ABTB3: variants seen among roughly 807,000 people sequenced by gnomAD.
ABTB3 encodes the protein ankyrin repeat- and BTB/POZ domain-containing protein 3.
chr12:107,654,609 G>A, the ABTB3 span, among the ~76,000 whole-genome samples: 2 of 152,196 alleles, frequency 1.3e-5, no homozygotes, highest in Middle Eastern at 3.4e-3. Flanking sequence ...TCAAATTCCT[G>A]CTTTCAGTTA....
chr12:107,566,907 G>A, the ABTB3 span, among the ~76,000 whole-genome samples: 3 of 152,180 alleles, frequency 2.0e-5, no homozygotes, highest in African/African-American at 7.2e-5. Context: ...GAGCCCAGGA[G>A]TTCGAGACCA....
At chr12:107,522,571 G>GTC in the ABTB3 span, among the ~76,000 whole-genome samples, 3 of 141,840 alleles carry the variant, frequency 2.1e-5, no homozygotes, top group Non-Finnish European at 4.6e-5. Flanking sequence ...TTTTTTAATT[G>GTC]TCTCTCTCTC....
chr12:107,589,880 A>G, the ABTB3 span, among the ~76,000 whole-genome samples: 9 of 152,330 alleles, frequency 5.9e-5, no homozygotes, highest in Middle Eastern at 3.4e-3. Context: ...TGGTGGTACT[A>G]TAAGTGAACA....
At chr12:107,638,162 A>G in the ABTB3 span, among the ~76,000 whole-genome samples, 3 of 152,140 alleles carry the variant, frequency 2.0e-5, no homozygotes, top group Admixed American at 6.5e-5. Context: ...CTTTTCTAAT[A>G]TTTTTAAAGT....
the ABTB3 span, among the ~76,000 whole-genome samples, chr12:107,642,348 C>A: frequency 6.6e-6 from 1 of 152,162 alleles, no homozygotes; most frequent in South Asian, 2.1e-4. Context: ...TTCATCCCTG[C>A]AGCATTAACT....
At chr12:107,352,566 G>A in the ABTB3 span, among the ~76,000 whole-genome samples, 3 of 152,052 alleles carry the variant, frequency 2.0e-5, no homozygotes, top group African/African-American at 7.2e-5. Context: ...AACTAAGGGG[G>A]CCCTTCCACA....
At chr12:107,515,571 G>A in the ABTB3 span, among the ~76,000 whole-genome samples, 1 of 152,168 alleles carries the variant, frequency 6.6e-6, no homozygotes. Context: ...TGAGGAATTG[G>A]CCCAAGATTC....
chr12:107,362,982 T>G, the ABTB3 span, among the ~76,000 whole-genome samples: 133 of 152,312 alleles, frequency 8.7e-4, no homozygotes, highest in African/African-American at 3.1e-3. Flanking sequence ...GACCTGGGAT[T>G]TGAATCCCGG....
the ABTB3 span, among the ~76,000 whole-genome samples, chr12:107,600,971 TG>T: frequency 3.3e-5 from 5 of 152,022 alleles, no homozygotes; most frequent in Admixed American, 6.6e-5. Context: ...AGGATGGTGG[TG>T]GGGGGGTGTC....
chr12:107,492,414 G>A, the ABTB3 span, among the ~76,000 whole-genome samples: 1 of 152,262 alleles, frequency 6.6e-6, no homozygotes, highest in East Asian at 1.9e-4. Context: ...AGAGACCTGC[G>A]TTCTTGCCCA....
At chr12:107,411,900 G>A in the ABTB3 span, among the ~76,000 whole-genome samples, 14 of 152,286 alleles carry the variant, frequency 9.2e-5, no homozygotes, top group Admixed American at 2.6e-4. Context: ...TACTCAGACC[G>A]GTGGTTCTGG....
At chr12:107,334,326 G>T in the ABTB3 span, among the ~76,000 whole-genome samples, 1 of 152,190 alleles carries the variant, frequency 6.6e-6, no homozygotes, top group Non-Finnish European at 1.5e-5. Flanking sequence ...AGCAGTGGAG[G>T]TGGGCTAGGA....
chr12:107,500,485 C>T, the ABTB3 span, among the ~76,000 whole-genome samples: 9 of 152,184 alleles, frequency 5.9e-5, 1 homozygote, highest in South Asian at 4.1e-4. Context: ...ATTAGTGCAG[C>T]GCCTCACTTG....
chr12:107,431,777 G>C, the ABTB3 span, among the ~76,000 whole-genome samples: 1 of 152,336 alleles, frequency 6.6e-6, no homozygotes, highest in East Asian at 1.9e-4. Flanking sequence ...CATACCCTGA[G>C]GATGACCCTG....
At chr12:107,498,146 G>C in the ABTB3 span, among the ~76,000 whole-genome samples, 2 of 152,240 alleles carry the variant, frequency 1.3e-5, no homozygotes, top group Non-Finnish European at 2.9e-5. Context: ...CAGATGCAGA[G>C]AGGAGTTACA....
chr12:107,406,420 A>G, the ABTB3 span, among the ~76,000 whole-genome samples: 1 of 152,192 alleles, frequency 6.6e-6, no homozygotes, highest in South Asian at 2.1e-4. Context: ...ACAGAGTGAA[A>G]CCCTGTCTCT....
At chr12:107,447,428 T>C in the ABTB3 span, among the ~76,000 whole-genome samples, 7 of 152,158 alleles carry the variant, frequency 4.6e-5, no homozygotes, top group African/African-American at 9.7e-5. Context: ...AGGCTTGAGC[T>C]ACCTTGCCTG....
At chr12:107,594,487 G>A in the ABTB3 span, among the ~76,000 whole-genome samples, 1 of 152,094 alleles carries the variant, frequency 6.6e-6, no homozygotes, top group Non-Finnish European at 1.5e-5. Context: ...TTCCTCCTAG[G>A]AACTTTTGCA....
At chr12:107,469,166 C>G in the ABTB3 span, among the ~76,000 whole-genome samples, 1 of 152,194 alleles carries the variant, frequency 6.6e-6, no homozygotes, top group African/African-American at 2.4e-5. Flanking sequence ...ACCAGCAGCT[C>G]TGGACGGCCA....
Sources: allele counts gnomAD v4.1 joint callset (sites outside exome capture counted in the v4.1 genomes callset), GRCh38; gene constraint gnomAD v4.1.1; transcripts MANE v1.5; gene names NCBI Gene and HGNC (gene_info 2026-07-23, HGNC 2026-07-21).